IL34: variants seen among roughly 807,000 people sequenced by gnomAD.
IL34 encodes the protein interleukin-34.
IL34 carries 17 observed loss-of-function variants against 25.3 expected under a neutral mutation model. The observed-to-expected ratio is 0.67, with a 90% confidence interval of 0.46 to 1.01. The LOEUF is 1.01. Ranked by LOEUF, IL34 falls within the 50% of genes least tolerant of loss-of-function variation. The probability of loss-of-function intolerance (pLI) is 0.00; values close to 1 mark genes in which losing one functional copy is unlikely to be tolerated. For synonymous variants in IL34, 174 were observed against 140.9 expected (o/e 1.23, Z -1.66); for missense variants, 368 against 312.9 (o/e 1.18, Z -1.33).
intron 1 of IL34, among the ~76,000 whole-genome samples, chr16:70,580,941 T>A (rs929052657): frequency 3.3e-5 from 5 of 151,738 alleles, no homozygotes; most frequent in Admixed American, 6.6e-5. Flanking sequence ...AGATGGAGTC[T>A]TGCTGTGTCG....
At chr16:70,610,015 C>T (rs1272204312) in intron 1 of IL34, among the ~76,000 whole-genome samples, 2 of 152,066 alleles carry the variant, frequency 1.3e-5, no homozygotes, top group African/African-American at 4.8e-5. Context: ...ACCAGCCTGG[C>T]CAACACGGCG....
chr16:70,653,923 T>G (rs2052145864), intron 1 of IL34, among the ~76,000 whole-genome samples: 1 of 152,138 alleles, frequency 6.6e-6, no homozygotes, highest in African/African-American at 2.4e-5. Flanking sequence ...ATGGTAATGT[T>G]TCAGCGGCTC....
intron 1 of IL34, among the ~76,000 whole-genome samples, chr16:70,598,873 C>T (rs1022692320): frequency 3.9e-5 from 6 of 152,196 alleles, no homozygotes; most frequent in African/African-American, 1.4e-4. Flanking sequence ...TGTTTCAGCT[C>T]ATAGCTCAAG....
Position 70,660,296 on chromosome 16 carries a change from AC to A in IL34, c.*113del, listed in dbSNP as rs2052373508. 1 of 1,021,836 alleles carries A rather than the reference AC, an allele frequency of 9.8e-7. No homozygotes were observed. Among genetic ancestry groups the A allele is most frequent in the Non-Finnish European group, 1.4e-6 (1 of 729,644 alleles). 63.3% of individuals were successfully genotyped at this position (1,021,836 alleles called of 1,614,324 possible). A position where few individuals can be genotyped will look rare whatever the true frequency, so the allele number is the denominator to read the frequency against. ...TGGTGGGAGCCCCCCTTGGGAGAGGACCCCTGGGAAGGGTGTTTTTCCTTTG... is the reference window on the plus strand; with the variant it reads ...TGGTGGGAGCCCCCCTTGGGAGAGGACCCTGGGAAGGGTGTTTTTCCTTTG... On this transcript the variant is annotated 3_prime_UTR_variant, in exon 6 of 6. Transcript: ENST00000288098.
chr16:70,622,025 G>A (rs2051293594), intron 1 of IL34, among the ~76,000 whole-genome samples: 2 of 152,042 alleles, frequency 1.3e-5, no homozygotes, highest in South Asian at 4.2e-4. Context: ...CAAGTCACAG[G>A]GGATGTGATG....
intron 1 of IL34, among the ~76,000 whole-genome samples, chr16:70,606,597 T>A (rs956754651): frequency 1.3e-5 from 2 of 151,244 alleles, no homozygotes; most frequent in Admixed American, 6.6e-5. Context: ...TTTTCTAGAT[T>A]TTTTTTTTGA....
At chr16:70,593,941 T>C (rs2050785649) in intron 1 of IL34, among the ~76,000 whole-genome samples, 1 of 152,236 alleles carries the variant, frequency 6.6e-6, no homozygotes, top group African/African-American at 2.4e-5. Flanking sequence ...ATCAGTTGAC[T>C]ATATTTGTGT....
intron 1 of IL34, among the ~76,000 whole-genome samples, chr16:70,583,122 G>GT (rs1400174069): frequency 9.3e-4 from 142 of 151,906 alleles, no homozygotes; most frequent in South Asian, 1.7e-3. Context: ...GTTGTTGTTT[G>GT]TCTTTTTTGA....
chr16:70,634,039 C>T (rs568344843), intron 1 of IL34, among the ~76,000 whole-genome samples: 4 of 151,856 alleles, frequency 2.6e-5, no homozygotes, highest in Non-Finnish European at 5.9e-5. Flanking sequence ...TTAGTAGAGA[C>T]GGGGTTTCAC....
At chr16:70,626,813 A>G (rs909626424) in intron 1 of IL34, among the ~76,000 whole-genome samples, 2 of 152,126 alleles carry the variant, frequency 1.3e-5, no homozygotes, top group Admixed American at 1.3e-4. Flanking sequence ...TTTCTTCCAG[A>G]TGACTTTTTT....
At chr16:70,614,699 CTT>C (rs2051147399) in intron 1 of IL34, among the ~76,000 whole-genome samples, 1 of 152,232 alleles carries the variant, frequency 6.6e-6, no homozygotes, top group Non-Finnish European at 1.5e-5. Context: ...TGCCTACACT[CTT>C]TGTGTCTCAC....
At chr16:70,653,829 C>T (rs930042938) in intron 1 of IL34, among the ~76,000 whole-genome samples, 1 of 152,106 alleles carries the variant, frequency 6.6e-6, no homozygotes, top group African/African-American at 2.4e-5. Context: ...ATATTTGTTG[C>T]GAATTCTCTC....
upstream of IL34, among the ~76,000 whole-genome samples, chr16:70,645,822 G>C (rs1460287511): frequency 6.6e-6 from 1 of 152,178 alleles, no homozygotes; most frequent in Non-Finnish European, 1.5e-5. Flanking sequence ...GGGAGGCCAA[G>C]ACAGCAGATC....
At chr16:70,641,117 C>A (rs1424158785) in intron 1 of IL34, among the ~76,000 whole-genome samples, 1 of 151,590 alleles carries the variant, frequency 6.6e-6, no homozygotes, top group Non-Finnish European at 1.5e-5. Context: ...ACTAAACATA[C>A]AAAAAAATCA....
intron 1 of IL34, among the ~76,000 whole-genome samples, chr16:70,596,624 C>T (rs895423155): frequency 3.9e-5 from 6 of 152,292 alleles, no homozygotes; most frequent in Non-Finnish European, 5.9e-5. Flanking sequence ...CCTCTCTGTA[C>T]CCGTCCCCCA....
At position 70,656,624 on chromosome 16, in the gene IL34, A is replaced by T. The variant is rs1232750834; in HGVS notation, c.185A>T (p.Tyr62Phe). Reference protein sequence around the residue: ...QYMKHYFPINYKISVPYEGVF... With the variant: ...QYMKHYFPINFKISVPYEGVF... ...CAGAAACACTACTTCCCCATCAACT[A>T]CAAGATCAGTGTGCCTTACGAGGGG... is the stretch of plus-strand genomic sequence containing the variant. Residue 62 changes from tyrosine to phenylalanine, a missense_variant, in exon 3 of 6, where the codon TAC becomes TTC. Tyr to Phe is a conservative substitution (Grantham distance 22). Transcript: ENST00000288098. 1.3e-5 allele frequency: 18 copies of T among 1,427,718 alleles called. No homozygotes were observed. Among genetic ancestry groups the T allele is most frequent in the African/African-American group, 2.8e-5 (2 of 71,264 alleles). 88.4% of individuals were successfully genotyped at this position (1,427,718 alleles called of 1,614,324 possible). A position where few individuals can be genotyped will look rare whatever the true frequency, so the allele number is the denominator to read the frequency against.
At chr16:70,602,423 C>T (rs1402686340) in intron 1 of IL34, among the ~76,000 whole-genome samples, 1 of 152,120 alleles carries the variant, frequency 6.6e-6, no homozygotes, top group East Asian at 1.9e-4. Context: ...GTCCCAGCTA[C>T]TCAGGAGGCT....
At chr16:70,585,362 C>A (rs892891957) in intron 1 of IL34, among the ~76,000 whole-genome samples, 2 of 152,122 alleles carry the variant, frequency 1.3e-5, no homozygotes, top group Non-Finnish European at 2.9e-5. Context: ...TTGCTGAGAC[C>A]ACAGGCAAGT....
chr16:70,635,127 G>A (rs1193404538), intron 1 of IL34, among the ~76,000 whole-genome samples: 2 of 152,098 alleles, frequency 1.3e-5, no homozygotes, highest in African/African-American at 2.4e-5. Context: ...GGGATTGCTG[G>A]GTCAGAGTCT....
Sources: gnomAD v4.1 joint callset for allele counts (sites outside exome capture counted in the v4.1 genomes callset) on GRCh38, gnomAD v4.1.1 for gene constraint, MANE v1.5 for transcripts, NCBI Gene and HGNC (gene_info 2026-07-23, HGNC 2026-07-21) for gene names.